The following VRK2 variants were observed in gnomAD, a reference collection of about 807,000 sequenced individuals.
The protein encoded by VRK2 is serine/threonine-protein kinase VRK2.
In VRK2, 60 loss-of-function variants were observed where a neutral mutation model predicts 57.6. The ratio of observed to expected loss-of-function variants is 1.04; its 90% CI spans 0.85 to 1.29. The LOEUF (loss-of-function observed/expected upper bound fraction) is 1.29. VRK2 is among the 50% of genes most tolerant of loss of function. VRK2 has a pLI of 0.00. For missense variants in VRK2, 705 were observed against 588.1 expected (o/e 1.20, Z -2.06); for synonymous variants, 231 against 199.2 (o/e 1.16, Z -1.35).
At chr2:58,013,142 T>C (rs1405354656) in intron 1 of VRK2, among the ~76,000 whole-genome samples, 3 of 152,216 alleles carry the variant, frequency 2.0e-5, no homozygotes, top group Non-Finnish European at 4.4e-5. Flanking sequence ...CAAAAATCTA[T>C]TGAAGTTTCT....
rs116828883 is a variant in VRK2 at position 58,048,387 on chromosome 2, A to G, written c.-5-440A>G. ...CATTGCCATTGTCTGTGTCTTCCCAATCCAATCCTGTGTTCTTTTCTAGTG... is the reference window on the plus strand; with the variant it reads ...CATTGCCATTGTCTGTGTCTTCCCAGTCCAATCCTGTGTTCTTTTCTAGTG... On this transcript the variant is annotated intron_variant, in intron 1 of 12. Coordinates refer to ENST00000340157, the MANE Select transcript of VRK2 (RefSeq NM_006296.7). The G allele has an allele frequency of 8.7e-3, 3,365 of 384,994 alleles. 89 individuals are homozygous for G. Among genetic ancestry groups the G allele is most frequent in the African/African-American group, 0.052 (2,468 of 47,098 alleles). The allele number at this position is 384,994 out of a possible 1,614,324, so 23.8% of individuals were successfully genotyped here. A position where few individuals can be genotyped will look rare whatever the true frequency, so the allele number is the denominator to read the frequency against.
intron 1 of VRK2, among the ~76,000 whole-genome samples, chr2:58,020,176 T>C (rs1673707259): frequency 6.6e-6 from 1 of 152,210 alleles, no homozygotes; most frequent in Non-Finnish European, 1.5e-5. Flanking sequence ...AACAAAAGGA[T>C]AGTTTATTTC....
chr2:58,122,967 C>A, intron 7 of VRK2, 134 bp from the exon 8 acceptor site: 2 of 1,124,104 alleles, frequency 1.8e-6, no homozygotes, highest in East Asian at 3.0e-5. Context: ...ATATTTTATC[C>A]TAAGGCACCA....
At chr2:58,104,711 T>G (rs552018235) in intron 7 of VRK2, among the ~76,000 whole-genome samples, 1 of 151,962 alleles carries the variant, frequency 6.6e-6, no homozygotes, top group Admixed American at 6.6e-5. Flanking sequence ...AAAACCATCC[T>G]GAAATTCACA....
chr2:58,114,982 A>AGGG (rs1676205322), intron 7 of VRK2, among the ~76,000 whole-genome samples: 1 of 152,142 alleles, frequency 6.6e-6, no homozygotes, highest in Non-Finnish European at 1.5e-5. Context: ...TGTGTAGGGA[A>AGGG]GGGAGGGGGC....
At chr2:58,132,799 T>C (rs1192419149) in intron 9 of VRK2, among the ~76,000 whole-genome samples, 1 of 152,212 alleles carries the variant, frequency 6.6e-6, no homozygotes, top group Admixed American at 6.5e-5. Context: ...GCCTGCAGAT[T>C]CAGAAAAATA....
At chr2:58,043,099 T>C (rs1188495568), upstream of VRK2, among the ~76,000 whole-genome samples, 2 of 152,200 alleles carry the variant, frequency 1.3e-5, no homozygotes, top group African/African-American at 2.4e-5. Context: ...TTAAAAATCA[T>C]TGGCACTTAT....
chr2:58,064,153 T>G (rs954881482), intron 2 of VRK2, among the ~76,000 whole-genome samples: 2 of 152,132 alleles, frequency 1.3e-5, no homozygotes, highest in African/African-American at 4.8e-5. Flanking sequence ...ATTGTTGAAA[T>G]GACAGCAGAG....
At chr2:58,068,175 C>G (rs1668884113) in intron 2 of VRK2, among the ~76,000 whole-genome samples, 1 of 152,128 alleles carries the variant, frequency 6.6e-6, no homozygotes, top group Non-Finnish European at 1.5e-5. Flanking sequence ...AGTGATCTGT[C>G]CACCTTGGCC....
intron 1 of VRK2, among the ~76,000 whole-genome samples, chr2:58,003,109 A>G (rs1338213946): frequency 1.3e-5 from 2 of 152,218 alleles, no homozygotes; most frequent in Non-Finnish European, 2.9e-5. Flanking sequence ...ATAATTGACC[A>G]TAACAAACAT....
chr2:58,054,293 G>A (rs1296924537), intron 2 of VRK2, among the ~76,000 whole-genome samples: 3 of 151,532 alleles, frequency 2.0e-5, no homozygotes, highest in Non-Finnish European at 4.4e-5. Context: ...TTGCCTTAAG[G>A]GAAGATTTAT....
intron 2 of VRK2, among the ~76,000 whole-genome samples, chr2:58,071,689 A>C (rs1350331823): frequency 6.6e-6 from 1 of 151,854 alleles, no homozygotes; most frequent in Non-Finnish European, 1.5e-5. Flanking sequence ...TTTCTTAATT[A>C]TTGTTTATAG....
At chr2:57,913,166 G>C (rs1368279478) in intron 1 of VRK2, among the ~76,000 whole-genome samples, 1 of 152,178 alleles carries the variant, frequency 6.6e-6, no homozygotes, top group Non-Finnish European at 1.5e-5. Context: ...AAGATCATGA[G>C]AGGCCAGAAC....
chr2:58,048,939 C>G lies in VRK2; in HGVS notation c.108C>G (p.Gly36=). 1 of 1,613,690 alleles carries G rather than the reference C, an allele frequency of 6.2e-7. No homozygotes were observed. The change falls in exon 2 of 13, where the codon GGC becomes GGG. Residue 36 remains glycine (G), a synonymous_variant. Coordinates refer to ENST00000340157, the MANE Select transcript of VRK2 (RefSeq NM_006296.7). ...GNQWVLGKKI[G]SGGFGLIYLA... is the part of the protein sequence containing the mutation. ...AGTGGGTACTGGGCAAGAAGATTGGCTCTGGAGGATTTGGATTGATATATT... is the reference window on the plus strand; with the variant it reads ...AGTGGGTACTGGGCAAGAAGATTGGGTCTGGAGGATTTGGATTGATATATT...
At position 57,922,889 on chromosome 2, in the gene VRK2, C is replaced by A. The variant is rs913021826; in HGVS notation, c.-439+15050C>A. 4.6e-5 allele frequency among the ~76,000 whole-genome samples: 7 copies of A among 152,098 alleles called. No individual in the cohort carries two copies. In the South Asian group the frequency reaches 1.5e-3, roughly 32 times the overall value. Reference sequence around the variant, plus strand: ...TCATTCCCACTCCTCTTCCCAGCTTCTAGTAACCGTAATTCTATATATATC... The same window carrying A: ...TCATTCCCACTCCTCTTCCCAGCTTATAGTAACCGTAATTCTATATATATC... On this transcript the variant is annotated intron_variant, in intron 1 of 15. Coordinates refer to the VRK2 transcript ENST00000417641.
At chr2:58,084,778 A>G (rs547716246) in intron 3 of VRK2, 103 bp from the exon 4 acceptor site, 437 of 752,234 alleles carry the variant, frequency 5.8e-4, no homozygotes, top group Non-Finnish European at 8.7e-4. Flanking sequence ...TTCAAGTACT[A>G]TTATATACTA....
At chr2:57,916,321 G>A (rs1022545364) in intron 1 of VRK2, among the ~76,000 whole-genome samples, 1 of 151,020 alleles carries the variant, frequency 6.6e-6, no homozygotes, top group Non-Finnish European at 1.5e-5. Flanking sequence ...CAGGAGAATC[G>A]CTTGAACCTG....
chr2:57,964,747 G>T (rs1268500692), intron 1 of VRK2, among the ~76,000 whole-genome samples: 1 of 151,810 alleles, frequency 6.6e-6, no homozygotes, highest in Admixed American at 6.6e-5. Flanking sequence ...TTAGCCTGTT[G>T]TGGTGGCACG....
At chr2:58,043,815 C>T (rs1674563253), upstream of VRK2, among the ~76,000 whole-genome samples, 1 of 152,130 alleles carries the variant, frequency 6.6e-6, no homozygotes, top group Admixed American at 6.5e-5. Context: ...AACTGTTTTC[C>T]AGAGTGGCTG....
Sources: gnomAD v4.1 joint callset for allele counts (sites outside exome capture counted in the v4.1 genomes callset) on GRCh38, gnomAD v4.1.1 for gene constraint, MANE v1.5 for transcripts, NCBI Gene and HGNC (gene_info 2026-07-23, HGNC 2026-07-21) for gene names.